Variants in TPTE2 observed in about 807,000 individuals in gnomAD.
TPTE2 encodes the protein transmembrane phosphoinositide 3-phosphatase and tensin homolog 2.
In TPTE2, 53 loss-of-function variants were observed where a neutral mutation model predicts 78.6. The observed-to-expected ratio is 0.67, with a 90% CI of 0.54 to 0.85. The LOEUF (loss-of-function observed/expected upper bound fraction) is 0.85. Ranked by LOEUF, TPTE2 falls within the 40% of genes least tolerant of loss-of-function variation. TPTE2 has a pLI of 0.00. For synonymous variants in TPTE2, 175 were observed against 206.2 expected (o/e 0.85, Z 1.30); for missense variants, 461 against 623.0 (o/e 0.74, Z 2.77).
chr13:19,502,445 A>T (rs1868658320), intron 1 of TPTE2, among the ~76,000 whole-genome samples: 1 of 151,540 alleles, frequency 6.6e-6, no homozygotes, highest in Admixed American at 6.6e-5. Flanking sequence ...TGGCACATAT[A>T]CACCATGGAA....
chr13:19,499,307 C>T (rs1881602909), intron 1 of TPTE2, among the ~76,000 whole-genome samples: 1 of 152,096 alleles, frequency 6.6e-6, no homozygotes, highest in Non-Finnish European at 1.5e-5. Context: ...ACCTAATAGA[C>T]ATCTACAGAA....
intron 15 of TPTE2, among the ~76,000 whole-genome samples, chr13:19,434,694 G>C (rs1876939218): frequency 1.3e-5 from 2 of 152,136 alleles, no homozygotes; most frequent in Admixed American, 1.3e-4. Flanking sequence ...GGTAGTTAGA[G>C]TGTTCTTCTA....
the TPTE2 span, among the ~76,000 whole-genome samples, chr13:19,556,413 AG>A: frequency 5.3e-5 from 8 of 152,236 alleles, no homozygotes; most frequent in Admixed American, 3.9e-4. Context: ...AATGAGATAT[AG>A]CCCCTAATGG....
At chr13:19,436,541 T>C (rs1391019789) in intron 14 of TPTE2, among the ~76,000 whole-genome samples, 2 of 152,130 alleles carry the variant, frequency 1.3e-5, no homozygotes, top group Admixed American at 1.3e-4. Context: ...GCCTTCTGAG[T>C]AGCTGGGACT....
the TPTE2 span, among the ~76,000 whole-genome samples, chr13:19,545,890 T>C: frequency 6.6e-6 from 1 of 152,186 alleles, no homozygotes; most frequent in Admixed American, 6.5e-5. Context: ...TAAAAATCTG[T>C]CCATGGGCAG....
intron 3 of TPTE2, among the ~76,000 whole-genome samples, chr13:19,483,334 C>G (rs560193045): frequency 1.3e-5 from 2 of 152,172 alleles, no homozygotes; most frequent in African/African-American, 4.8e-5. Flanking sequence ...AATCTCATTA[C>G]TTGTTTTTGG....
Position 19,493,509 on chromosome 13 carries a change from A to C in TPTE2, c.12-8T>G. The C allele has an allele frequency of 6.2e-7, 1 of 1,613,330 alleles. No individual in the cohort carries two copies. The highest frequency in any genetic ancestry group is 8.5e-7 in the Non-Finnish European group (1 of 1,179,616). On this transcript the variant is annotated splice_region_variant and splice_polypyrimidine_tract_variant and intron_variant, in intron 1 of 19. Coordinates refer to ENST00000400230, the Ensembl canonical transcript of TPTE2. ...AATTCGTTTGTCTGTGGACTAGCGG[A>C]TGATAAGAGAATACAGTCAGAGAGG...
At position 19,528,841 on chromosome 13, in the gene TPTE2, T is replaced by C. The variant is rs146391051; in HGVS notation, c.-44+7755A>G. Among the ~76,000 whole-genome samples the C allele has an allele frequency of 6.7e-3, 1,020 of 152,228 alleles. 8 individuals are homozygous for C. Among genetic ancestry groups the C allele is most frequent in the African/African-American group, 0.022 (903 of 41,536 alleles). ...TCCCCAGTAAAAGCTCAGACTTGGC[T>C]GGGTGTGGTGGCTCACGCCTGTAAT... On this transcript the variant is annotated intron_variant, in intron 1 of 17. Coordinates refer to the TPTE2 transcript ENST00000390680.
chr13:19,542,978 CA>C, the TPTE2 span, among the ~76,000 whole-genome samples: 283 of 138,206 alleles, frequency 2.0e-3, 1 homozygote, highest in African/African-American at 4.3e-3. Context: ...GACTCTGTCT[CA>C]AAAAAAAAAA....
chr13:19,498,703 C>T (rs931199769), intron 1 of TPTE2, among the ~76,000 whole-genome samples: 143 of 151,746 alleles, frequency 9.4e-4, no homozygotes, highest in Non-Finnish European at 1.2e-3. Flanking sequence ...CATGCCAAAA[C>T]GTAAAGACCA....
intron 6 of TPTE2, among the ~76,000 whole-genome samples, chr13:19,470,682 C>T (rs1435876314): frequency 6.6e-6 from 1 of 151,340 alleles, no homozygotes. Flanking sequence ...CCCAGCACCA[C>T]ACCCAGCTAA....
intron 15 of TPTE2, among the ~76,000 whole-genome samples, chr13:19,432,820 A>G (rs1050169954): frequency 3.3e-5 from 5 of 151,892 alleles, no homozygotes; most frequent in African/African-American, 9.7e-5. Context: ...GGCCCTGTTT[A>G]TAGGCTGCTT....
intron 3 of TPTE2, among the ~76,000 whole-genome samples, chr13:19,491,471 C>T (rs1379939030): frequency 6.6e-6 from 1 of 152,054 alleles, no homozygotes; most frequent in Non-Finnish European, 1.5e-5. Context: ...GACTCATTTA[C>T]CAATGGTCAG....
chr13:19,451,243 A>G lies in TPTE2; in HGVS notation c.742-18T>C, dbSNP rs2137531637. 6.2e-7 allele frequency: 1 copy of G among 1,613,100 alleles called. No homozygotes were observed. Among genetic ancestry groups the G allele is most frequent in the Non-Finnish European group, 8.5e-7 (1 of 1,179,442 alleles). Reference sequence around the variant, plus strand: ...ACAACTTCCTAAAAAAGACAAACACATATCTTACATATTTACATGGCACCA... The same window carrying G: ...ACAACTTCCTAAAAAAGACAAACACGTATCTTACATATTTACATGGCACCA... On this transcript the variant is annotated intron_variant, in intron 10 of 19. Coordinates refer to ENST00000400230, the Ensembl canonical transcript of TPTE2.
At chr13:19,503,187 A>G in intron 1 of TPTE2, 37 bp downstream of exon 4, 1 of 1,613,136 alleles carries the variant, frequency 6.2e-7, no homozygotes, top group Non-Finnish European at 8.5e-7. Context: ...GCTCAGTTAT[A>G]ATTAGATAAA....
chr13:19,426,562 G>A (rs4408395), intron 17 of TPTE2, 45 bp from the exon 21 acceptor site: 2 of 1,205,358 alleles, frequency 1.7e-6, no homozygotes, highest in Middle Eastern at 1.9e-4. Context: ...CCTAGATAAC[G>A]ATAACAAAAG....
intron 18 of TPTE2, among the ~76,000 whole-genome samples, chr13:19,425,263 C>A (rs1008403069): frequency 7.2e-5 from 11 of 152,168 alleles, no homozygotes; most frequent in Admixed American, 2.0e-4. Flanking sequence ...CATGATAGGT[C>A]TTTAATTTAA....
At chr13:19,540,698 T>A (rs1229902752), upstream of TPTE2, among the ~76,000 whole-genome samples, 7 of 146,958 alleles carry the variant, frequency 4.8e-5, no homozygotes, top group Non-Finnish European at 1.1e-4. Context: ...TTATTAAGAT[T>A]TTATTTATTT....
the TPTE2 span, among the ~76,000 whole-genome samples, chr13:19,550,884 TG>T: frequency 6.6e-6 from 1 of 152,114 alleles, no homozygotes; most frequent in Admixed American, 6.6e-5. Flanking sequence ...CTCTGCCTCC[TG>T]GGTTCAGGTG....
Sources: allele counts gnomAD v4.1 joint callset (sites outside exome capture counted in the v4.1 genomes callset), GRCh38; gene constraint gnomAD v4.1.1; transcripts MANE v1.5; gene names NCBI Gene and HGNC (gene_info 2026-07-23, HGNC 2026-07-21).